The following CA10 variants were observed in gnomAD, a reference collection of about 807,000 sequenced individuals.
The protein encoded by CA10 is carbonic anhydrase-related protein 10.
A neutral mutation model predicts 44.2 loss-of-function variants in CA10; 14 were observed. The ratio of observed to expected loss-of-function variants is 0.32; its 90% CI spans 0.21 to 0.50. The LOEUF (loss-of-function observed/expected upper bound fraction) is 0.50. Among genes scored for constraint, CA10 ranks in the 20% least tolerant of loss-of-function variants. The pLI is 0.99. For synonymous variants in CA10, 159 were observed against 141.6 expected, an observed-to-expected ratio of 1.12 and a Z score of -0.87; for missense variants, 350 against 409.7, an observed-to-expected ratio of 0.85 and a Z score of 1.26.
intron 2 of CA10, among the ~76,000 whole-genome samples, chr17:51,935,426 C>T (rs114601588): frequency 2.2e-3 from 336 of 152,266 alleles, no homozygotes; most frequent in African/African-American, 7.6e-3. Context: ...AATTAATGGA[C>T]AACCAGTCTG....
rs145844343 is a variant in CA10 at position 51,713,423 on chromosome 17, G to A, written c.465+34210C>T. Among the ~76,000 whole-genome samples the A allele has an allele frequency of 1.3e-3, 198 of 152,274 alleles. 1 individual carries two copies. Among genetic ancestry groups the A allele is most frequent in the African/African-American group, 4.5e-3 (186 of 41,542 alleles). ...ATCAATGATATCTAGCGGGGACAACGGGAGGACTTGAGGACAATTGATGAT... is the reference window on the plus strand; with the variant it reads ...ATCAATGATATCTAGCGGGGACAACAGGAGGACTTGAGGACAATTGATGAT... On this transcript the variant is annotated intron_variant, in intron 4 of 8. Transcript: ENST00000451037.
At chr17:51,663,883 T>C (rs1914108608) in intron 4 of CA10, among the ~76,000 whole-genome samples, 2 of 152,260 alleles carry the variant, frequency 1.3e-5, no homozygotes. Context: ...TTACTTTATC[T>C]TATTGTCAGA....
chr17:51,812,264 A>AAAC (rs1353009155), intron 3 of CA10, among the ~76,000 whole-genome samples: 16 of 152,270 alleles, frequency 1.1e-4, no homozygotes, highest in Non-Finnish European at 1.9e-4. Context: ...TATTAAAAAC[A>AAAC]ACGGTAATAC....
intron 3 of CA10, among the ~76,000 whole-genome samples, chr17:51,840,487 ACACAC>A (rs1978310688): frequency 7.9e-6 from 1 of 126,348 alleles, no homozygotes; most frequent in African/African-American, 3.1e-5. Context: ...ATACACACAC[ACACAC>A]ACACACACAC....
rs1234683771 is a variant in CA10, at chr17:51,774,111, T to C, written c.280-26293A>G. On this transcript the variant is annotated intron_variant, in intron 3 of 8. Coordinates refer to ENST00000451037, the MANE Select transcript of CA10 (RefSeq NM_020178.5). The stretch of plus-strand genomic sequence containing the variant: ...GGCTGGGGATATTAATGTCCTCTTG[T>C]TGTCAAGAACATTCTCCAAAGTCAT... 2.0e-5 allele frequency among the ~76,000 whole-genome samples: 3 copies of C among 152,222 alleles called. No individual in the cohort carries two copies. In the East Asian group the frequency reaches 5.8e-4, roughly 29 times the overall value.
At chr17:51,746,983 G>A (rs1904711812) in intron 4 of CA10, among the ~76,000 whole-genome samples, 1 of 152,154 alleles carries the variant, frequency 6.6e-6, no homozygotes, top group African/African-American at 2.4e-5. Context: ...CAGTATAACG[G>A]GGGTAAAACA....
intron 3 of CA10, among the ~76,000 whole-genome samples, chr17:51,839,066 G>A (rs1978298154): frequency 6.6e-6 from 1 of 152,178 alleles, no homozygotes; most frequent in Admixed American, 6.5e-5. Flanking sequence ...AATGTTTGCT[G>A]GAAGAGACAC....
intron 2 of CA10, among the ~76,000 whole-genome samples, chr17:51,958,794 G>A (rs1983762562): frequency 6.6e-6 from 1 of 152,036 alleles, no homozygotes; most frequent in African/African-American, 2.4e-5. Flanking sequence ...AACAAAACGA[G>A]AAGAAAACAT....
chr17:51,644,263 TC>T (rs1913228150), intron 6 of CA10, among the ~76,000 whole-genome samples: 1 of 152,088 alleles, frequency 6.6e-6, no homozygotes, highest in Non-Finnish European at 1.5e-5. Flanking sequence ...TGTTGTGATT[TC>T]ACCCCGCTGC....
At position 51,784,601 on chromosome 17, in the gene CA10, A is replaced by T. The variant is rs559121271; in HGVS notation, c.280-36783T>A. On this transcript the variant is annotated intron_variant, in intron 3 of 8. Transcript: ENST00000451037. ...TTTCTAGCTCCCACACATTAGTGAG[A>T]ACATGCCATATTTGTCTTTTAATAT... 6.6e-4 allele frequency among the ~76,000 whole-genome samples: 100 copies of T among 152,302 alleles called. 1 individual carries two copies. Among genetic ancestry groups the T allele is most frequent in the Non-Finnish European group, 1.3e-3 (87 of 68,014 alleles).
intron 2 of CA10, among the ~76,000 whole-genome samples, chr17:51,947,938 G>T (rs967032611): frequency 6.6e-6 from 1 of 152,004 alleles, no homozygotes; most frequent in African/African-American, 2.4e-5. Context: ...AAAATTCAAG[G>T]AAAAAGAAAA....
At chr17:51,910,045 A>C (rs1422663644) in intron 3 of CA10, among the ~76,000 whole-genome samples, 1 of 152,032 alleles carries the variant, frequency 6.6e-6, no homozygotes, top group Non-Finnish European at 1.5e-5. Context: ...GTTTCTTTTC[A>C]CATCCTGGTG....
At chr17:51,733,481 A>T (rs1179658869) in intron 4 of CA10, among the ~76,000 whole-genome samples, 1 of 152,178 alleles carries the variant, frequency 6.6e-6, no homozygotes, top group Non-Finnish European at 1.5e-5. Flanking sequence ...CTTTGGAATC[A>T]ACTTGTTCTT....
chr17:52,045,765 A>G (rs1415087748), intron 2 of CA10, among the ~76,000 whole-genome samples: 2 of 151,998 alleles, frequency 1.3e-5, no homozygotes, highest in African/African-American at 4.8e-5. Flanking sequence ...CCTAAACGAC[A>G]TGTATTTTAA....
chr17:52,077,483 C>A (rs76477265), intron 1 of CA10, among the ~76,000 whole-genome samples: 4,781 of 152,174 alleles, frequency 0.031, 103 homozygotes, highest in Non-Finnish European at 0.042. Flanking sequence ...ATACAATATG[C>A]AGGGGTGTAG....
At chr17:51,871,926 C>T (rs1979836594) in intron 3 of CA10, among the ~76,000 whole-genome samples, 1 of 152,150 alleles carries the variant, frequency 6.6e-6, no homozygotes, top group Non-Finnish European at 1.5e-5. Context: ...AAGAATGAAA[C>T]ATGTACCTTA....
At chr17:51,699,042 C>T (rs1274849064) in intron 4 of CA10, among the ~76,000 whole-genome samples, 4 of 152,204 alleles carry the variant, frequency 2.6e-5, no homozygotes, top group East Asian at 3.9e-4. Context: ...TTTCCTGGGC[C>T]GAGTGTGGTG....
intron 3 of CA10, among the ~76,000 whole-genome samples, chr17:51,856,569 C>A (rs538685992): frequency 6.6e-6 from 1 of 152,120 alleles, no homozygotes; most frequent in African/African-American, 2.4e-5. Flanking sequence ...GCATAAACAC[C>A]AAACTTCTGC....
At chr17:52,060,511 A>G (rs1174588290) in intron 2 of CA10, among the ~76,000 whole-genome samples, 1 of 152,200 alleles carries the variant, frequency 6.6e-6, no homozygotes, top group Non-Finnish European at 1.5e-5. Flanking sequence ...TTGGATAAAG[A>G]GTATATGGAA....
Sources: gnomAD v4.1 joint callset for allele counts (sites outside exome capture counted in the v4.1 genomes callset) on GRCh38, gnomAD v4.1.1 for gene constraint, MANE v1.5 for transcripts, NCBI Gene and HGNC (gene_info 2026-07-23, HGNC 2026-07-21) for gene names.